Variants in EPHA2 observed in about 807,000 individuals in gnomAD.
EPHA2 encodes the protein ephrin type-A receptor 2.
A neutral mutation model predicts 104.9 loss-of-function variants in EPHA2; 54 were observed. The ratio of observed to expected loss-of-function variants is 0.51; its 90% CI spans 0.41 to 0.65. The LOEUF (loss-of-function observed/expected upper bound fraction) is 0.65, where lower values mean the gene tolerates loss of function less well. Among genes scored for constraint, EPHA2 ranks in the 30% least tolerant of loss-of-function variants. The probability of loss-of-function intolerance (pLI) is 0.00; values close to 1 mark genes in which losing one functional copy is unlikely to be tolerated. For synonymous variants in EPHA2, 560 were observed against 559.1 expected (o/e 1.00, Z -0.02); for missense variants, 1,117 against 1,369.5 (o/e 0.82, Z 2.91).
intron 5 of EPHA2, among the ~76,000 whole-genome samples, chr1:16,137,498 T>G (rs1227501609): frequency 2.0e-5 from 3 of 151,966 alleles, no homozygotes; most frequent in Non-Finnish European, 4.4e-5. Flanking sequence ...CTCCAGAGGC[T>G]GAGGCAGGAG....
At chr1:16,143,685 T>C (rs1395759851) in intron 3 of EPHA2, among the ~76,000 whole-genome samples, 1 of 151,942 alleles carries the variant, frequency 6.6e-6, no homozygotes, top group African/African-American at 2.4e-5. Flanking sequence ...AATGGCAAGG[T>C]TGTGAGGTCA....
chr1:16,133,036 G>A, intron 11 of EPHA2, 144 bp downstream of exon 11: 1 of 1,163,094 alleles, frequency 8.6e-7, no homozygotes, highest in Admixed American at 2.0e-5. Context: ...AGGTATTGGG[G>A]AGAAGTGGGC....
At position 16,144,447 on chromosome 1, in the gene EPHA2, C is replaced by A. The variant is rs548947921; in HGVS notation, c.823+3931G>T. On this transcript the variant is annotated intron_variant, in intron 3 of 16. Coordinates refer to ENST00000358432, the MANE Select transcript of EPHA2 (RefSeq NM_004431.5). The stretch of plus-strand genomic sequence containing the variant: ...CAGGAATCCTGCCAGCAGCCCCTGC[C>A]ATGGCCCGAGACCACCCTGTCTAAA... Among the ~76,000 whole-genome samples the A allele has an allele frequency of 5.4e-4, 83 of 152,318 alleles. 1 individual carries two copies. Among genetic ancestry groups the A allele is most frequent in the African/African-American group, 1.9e-3 (80 of 41,572 alleles).
Position 16,128,742 on chromosome 1 carries a change from C to T in EPHA2, c.2825+692G>A, listed in dbSNP as rs953452077. On this transcript the variant is annotated intron_variant, in intron 16 of 16. Coordinates refer to ENST00000358432, the MANE Select transcript of EPHA2 (RefSeq NM_004431.5). This position sits in a 1 kb window ranked among gnomAD's most constrained non-coding sequence, Gnocchi z 4.7. Reference sequence around the variant, plus strand: ...GGGGAGAAGAGCTGCCAAGGGGCAGCTTGACAAAGGGGCAAACCCAGGGCC... The same window carrying T: ...GGGGAGAAGAGCTGCCAAGGGGCAGTTTGACAAAGGGGCAAACCCAGGGCC... 6.6e-6 allele frequency among the ~76,000 whole-genome samples: 1 copy of T among 152,182 alleles called. No individual in the cohort carries two copies. The highest frequency in any genetic ancestry group is 6.5e-5 in the Admixed American group (1 of 15,288).
chr1:16,134,290 G>A lies in EPHA2; in HGVS notation c.1682+178C>T, dbSNP rs556337301. Among the ~76,000 whole-genome samples the A allele has an allele frequency of 2.6e-4, 40 of 152,224 alleles. No individual in the cohort carries two copies. Among genetic ancestry groups the A allele is most frequent in the Middle Eastern group, 6.8e-3 (2 of 294 alleles). ...GTAATGACCCCCGTGTCCCGGCCCC[G>A]CCGCGTGCCAGGCACTTCGCTACAC... On this transcript the variant is annotated intron_variant, in intron 8 of 16. Transcript: ENST00000358432. This position sits in a 1 kb window ranked among gnomAD's most constrained non-coding sequence, Gnocchi z 4.5.
intron 5 of EPHA2, among the ~76,000 whole-genome samples, chr1:16,137,510 A>G (rs1212115767): frequency 6.6e-6 from 1 of 152,178 alleles, no homozygotes; most frequent in Admixed American, 6.5e-5. Context: ...AGGCAGGAGA[A>G]TTGCTTGAAC....
chr1:16,148,243 T>G lies in EPHA2; in HGVS notation c.823+135A>C. 1.8e-6 allele frequency: 2 copies of G among 1,104,094 alleles called. No individual in the cohort carries two copies. Among genetic ancestry groups the G allele is most frequent in the Non-Finnish European group, 2.7e-6 (2 of 738,194 alleles). The allele number at this position is 1,104,094 out of a possible 1,614,324, so 68.4% of individuals were successfully genotyped here. On this transcript the variant is annotated intron_variant, in intron 3 of 16. Transcript: ENST00000358432. The surrounding 1 kb of genome is among the most constrained non-coding windows in gnomAD (Gnocchi z 4.9). ...TAAGGAAACTGATGTCTGGGAAGGA[T>G]CTATAATTTCCACTAACAGAACTAA... is the stretch of plus-strand genomic sequence containing the variant.
chr1:16,133,638 C>G (rs566951314), intron 9 of EPHA2, 32 bp from the exon 10 acceptor site: 2 of 1,613,140 alleles, frequency 1.2e-6, no homozygotes, highest in Non-Finnish European at 1.7e-6. Flanking sequence ...TCACAGGCAG[C>G]TCAGGAGGGG....
intron 2 of EPHA2, 131 bp from the exon 3 acceptor site, chr1:16,149,178 C>G (rs368628877): frequency 1.1e-4 from 110 of 996,486 alleles, no homozygotes; most frequent in South Asian, 9.3e-4. Context: ...GAAACTGAGG[C>G]CTGAGGCGGG....
At chr1:16,141,637 A>C (rs1479929279) in intron 3 of EPHA2, among the ~76,000 whole-genome samples, 1 of 152,196 alleles carries the variant, frequency 6.6e-6, no homozygotes. Context: ...CCAGGCTCGG[A>C]CCCACTGGAG....
chr1:16,140,765 C>T (rs1018871198), intron 3 of EPHA2, among the ~76,000 whole-genome samples: 14 of 152,224 alleles, frequency 9.2e-5, no homozygotes, highest in African/African-American at 3.4e-4. Flanking sequence ...ACTACAGGCA[C>T]CGGCCATCAA....
At position 16,130,661 on chromosome 1, in the gene EPHA2, A is replaced by ACCCAGGCTAGAGT. The variant is rs1218931588; in HGVS notation, c.2476-243_2476-242insACTCTAGCCTGGG. 6.6e-6 allele frequency among the ~76,000 whole-genome samples: 1 copy of ACCCAGGCTAGAGT among 151,420 alleles called. No individual in the cohort carries two copies. Among genetic ancestry groups the ACCCAGGCTAGAGT allele is most frequent in the African/African-American group, 2.4e-5 (1 of 41,162 alleles). On this transcript the variant is annotated intron_variant, in intron 14 of 16. Coordinates refer to ENST00000358432, the MANE Select transcript of EPHA2 (RefSeq NM_004431.5). This position sits in a 1 kb window ranked among gnomAD's most constrained non-coding sequence, Gnocchi z 4.5. ...TTTTTTTTGACTGAGACAGGGTCTCAGTCTGTCACCCAGGCTAGAGTGCAG... is the reference window on the plus strand; with the variant it reads ...TTTTTTTTGACTGAGACAGGGTCTCACCCAGGCTAGAGTGTCTGTCACCCAGGCTAGAGTGCAG...
intron 1 of EPHA2, among the ~76,000 whole-genome samples, chr1:16,151,326 G>T (rs893507720): frequency 1.3e-5 from 2 of 152,168 alleles, no homozygotes; most frequent in African/African-American, 4.8e-5. Context: ...GCTGAGCAGG[G>T]TATTAAGTGA....
chr1:16,154,948 C>A (rs2025123359), intron 1 of EPHA2, among the ~76,000 whole-genome samples: 1 of 152,048 alleles, frequency 6.6e-6, no homozygotes, highest in African/African-American at 2.4e-5. Flanking sequence ...CAGGAGCCCC[C>A]ATCCTCGCCC....
rs763723602 is a variant in EPHA2, at chr1:16,138,342, G to A, written c.912C>T (p.Ala304=). ...PEHTLPSPEG[A]TSCECEEGFF... ...AGCCTTCCTCACACTCGCAGGAGGT[G>A]GCACCCTCAGGGGATGGCAGCGTGT... is the stretch of plus-strand genomic sequence containing the variant. The change falls in exon 4 of 17, where the codon GCC becomes GCT. Residue 304 remains alanine (A), a synonymous_variant. Transcript: ENST00000358432. The A allele has an allele frequency of 6.2e-7, 1 of 1,613,864 alleles. No homozygotes were observed. Among genetic ancestry groups the A allele is most frequent in the South Asian group, 1.1e-5 (1 of 91,072 alleles).
At chr1:16,149,731 T>C (rs1013060661) in intron 2 of EPHA2, among the ~76,000 whole-genome samples, 3 of 152,164 alleles carry the variant, frequency 2.0e-5, no homozygotes, top group Non-Finnish European at 4.4e-5. Flanking sequence ...CTGTACCCCT[T>C]GCCATTTACC....
intron 1 of EPHA2, chr1:16,153,131 A>G (rs373072060): frequency 0.048 from 706 of 14,696 alleles, 3 homozygotes; most frequent in Middle Eastern, 0.14. Context: ...TTCTGGGGGG[A>G]AAAAAAAAAA....
At position 16,148,641 on chromosome 1, in the gene EPHA2, G is replaced by T; in HGVS notation, c.560C>A (p.Ala187Asp). ...GFYLAFQDIG[A>D]CVALLSVRVY... ...ACGGACGGAGAGCAGCGCCACACAG[G>T]CACCGATATCCTGGAAGGCCAGGTA... The change falls in exon 3 of 17, where the codon GCC (alanine) becomes GAC (aspartate). Residue 187 changes from alanine (A) to aspartate (D), a missense_variant. Physicochemically the swap from Ala to Asp is moderately radical, Grantham distance 126. Coordinates refer to ENST00000358432, the MANE Select transcript of EPHA2 (RefSeq NM_004431.5). This position sits in a 1 kb window ranked among gnomAD's most constrained non-coding sequence, Gnocchi z 4.9. 6.2e-7 allele frequency: 1 copy of T among 1,608,728 alleles called. No homozygotes were observed. Among genetic ancestry groups the T allele is most frequent in the Non-Finnish European group, 8.5e-7 (1 of 1,180,010 alleles).
At chr1:16,138,802 C>T (rs6664980) in intron 3 of EPHA2, among the ~76,000 whole-genome samples, 5,186 of 152,276 alleles carry the variant, frequency 0.034, 288 homozygotes, top group African/African-American at 0.12. Context: ...CCGGCCTCAT[C>T]CCCTTTCCTC....
Sources: gnomAD v4.1 joint callset for allele counts (sites outside exome capture counted in the v4.1 genomes callset) on GRCh38, gnomAD v4.1.1 for gene constraint, Gnocchi (gnomAD v3.1) non-coding constraint, MANE v1.5 for transcripts, NCBI Gene and HGNC (gene_info 2026-07-23, HGNC 2026-07-21) for gene names.